The following RYR3 variants were observed in gnomAD, a reference collection of about 807,000 sequenced individuals.
RYR3 encodes brain ryanodine receptor-calcium release channel.
In RYR3, 207 loss-of-function variants were observed where a neutral mutation model predicts 584.3. That is an observed-to-expected ratio of 0.35 (90% CI 0.32 to 0.40). RYR3 has a LOEUF of 0.40. Ranked by LOEUF, RYR3 falls within the 10% of genes least tolerant of loss-of-function variation. RYR3 has a pLI of 1.00. For missense variants in RYR3, 5,616 were observed against 6,089.2 expected (o/e 0.92, Z 2.59); for synonymous variants, 2,416 against 2,248.5 (o/e 1.07, Z -2.11).
chr15:33,658,835 C>T (rs2062974130), intron 32 of RYR3, among the ~76,000 whole-genome samples: 1 of 152,202 alleles, frequency 6.6e-6, no homozygotes, highest in South Asian at 2.1e-4. Context: ...AGCTGCAGCA[C>T]AATCAGTAAA....
chr15:33,417,867 T>G (rs1391011696), intron 1 of RYR3, among the ~76,000 whole-genome samples: 1 of 152,178 alleles, frequency 6.6e-6, no homozygotes, highest in African/African-American at 2.4e-5. Flanking sequence ...CTTTGATGCC[T>G]AGTTTGTTGA....
At chr15:33,380,676 C>T (rs2041119495) in intron 1 of RYR3, among the ~76,000 whole-genome samples, 1 of 152,226 alleles carries the variant, frequency 6.6e-6, no homozygotes, top group Admixed American at 6.5e-5. Flanking sequence ...GGCGCTAAGC[C>T]ATGCCCTGGG....
At chr15:33,544,096 T>G (rs1215085633) in intron 8 of RYR3, among the ~76,000 whole-genome samples, 1 of 152,190 alleles carries the variant, frequency 6.6e-6, no homozygotes, top group Non-Finnish European at 1.5e-5. Flanking sequence ...GAAACTGATG[T>G]CCAGCTGGAG....
chr15:33,452,787 G>C (rs2047236360), intron 1 of RYR3, among the ~76,000 whole-genome samples: 1 of 152,108 alleles, frequency 6.6e-6, no homozygotes, highest in African/African-American at 2.4e-5. Flanking sequence ...TCAGAACCTG[G>C]TAGTTTTCCC....
chr15:33,843,671 T>C (rs2078526334), intron 92 of RYR3, 97 bp downstream of exon 92: 1 of 871,672 alleles, frequency 1.1e-6, no homozygotes, highest in Non-Finnish European at 1.8e-6. Context: ...CTCTTAATTG[T>C]AGCAAACATT....
chr15:33,365,469 G>A (rs1482696976), intron 1 of RYR3, among the ~76,000 whole-genome samples: 1 of 152,072 alleles, frequency 6.6e-6, no homozygotes, highest in African/African-American at 2.4e-5. Context: ...AAGACTCCAG[G>A]GTAGTGAGTT....
In RYR3 at chr15:33,728,934, C is replaced by T. The variant is rs779706127; in HGVS notation, c.7111C>T (p.Arg2371Cys). The T allele has an allele frequency of 2.5e-6, 4 of 1,613,758 alleles. No individual in the cohort carries two copies. Among genetic ancestry groups the T allele is most frequent in the South Asian group, 2.2e-5 (2 of 90,998 alleles). Reference sequence around the variant, plus strand: ...GGCACCTATGGTGCTGTTCTTGGACCGCGTTTATGGCATTAAGGATCAAAC... The same window carrying T: ...GGCACCTATGGTGCTGTTCTTGGACTGCGTTTATGGCATTAAGGATCAAAC... ...HKAPMVLFLD[R>C]VYGIKDQTFL... is the part of the protein sequence containing the mutation. The change falls in exon 47 of 104, where the codon CGC becomes TGC. Residue 2371 changes from arginine (R) to cysteine (C), a missense_variant. Around this residue, in one of 9 missense-constraint regions of RYR3, gnomAD observed 1,280 missense variants for 1,426.2 expected, o/e 0.90. Transcript: ENST00000634891.
At chr15:33,815,924 C>G in intron 74 of RYR3, 1 of 398,536 alleles carries the variant, frequency 2.5e-6, no homozygotes, top group East Asian at 3.6e-5. Context: ...GGCTTATACC[C>G]ATTTTAATGG....
chr15:33,864,521 A>G (rs1889760806), intron 103 of RYR3, among the ~76,000 whole-genome samples: 1 of 152,228 alleles, frequency 6.6e-6, no homozygotes, highest in Admixed American at 6.5e-5. Flanking sequence ...AAATCAGAGT[A>G]CAACGGAGTG....
chr15:33,827,414 A>G, intron 85 of RYR3, 127 bp downstream of exon 85: 1 of 769,922 alleles, frequency 1.3e-6, no homozygotes, highest in Admixed American at 2.4e-5. Flanking sequence ...TGTAACGTGT[A>G]TCCACAGATG....
chr15:33,857,802 T>A lies in RYR3; in HGVS notation c.14030T>A (p.Leu4677Gln). 1 of 1,614,116 alleles carries A rather than the reference T, an allele frequency of 6.2e-7. No homozygotes were observed. Among genetic ancestry groups the A allele is most frequent in the Non-Finnish European group, 8.5e-7 (1 of 1,179,962 alleles). Residue 4677 changes from leucine to glutamine, a missense_variant, in exon 99 of 104, where the codon CTG becomes CAG. Coordinates refer to ENST00000634891, the MANE Select transcript of RYR3 (RefSeq NM_001036.6). ...CAGTTGGTTCTGACTGTCGGTCTCCTGGCCGTGGTGGTTTATCTCTATACT... is the reference window on the plus strand; with the variant it reads ...CAGTTGGTTCTGACTGTCGGTCTCCAGGCCGTGGTGGTTTATCTCTATACT... ...GKQLVLTVGL[L>Q]AVVVYLYTVV...
intron 2 of RYR3, among the ~76,000 whole-genome samples, chr15:33,487,106 G>A (rs11856500): frequency 0.17 from 25,299 of 151,974 alleles, 4,373 homozygotes; most frequent in African/African-American, 0.44. Context: ...GCCAAGGCAT[G>A]AGAATGGCTT....
intron 19 of RYR3, among the ~76,000 whole-genome samples, chr15:33,617,673 G>A (rs2060521356): frequency 6.6e-6 from 1 of 152,038 alleles, no homozygotes; most frequent in African/African-American, 2.4e-5. Context: ...TCTTTACTGA[G>A]ATCCTTGTCT....
At position 33,566,696 on chromosome 15, in the gene RYR3, G is replaced by A; in HGVS notation, c.1165G>A (p.Gly389Ser). The change falls in exon 12 of 104, where the codon GGC (glycine) becomes AGC (serine). Residue 389 changes from glycine (G) to serine (S), a missense_variant. Gly to Ser is a moderately conservative substitution (Grantham distance 56). Coordinates refer to ENST00000634891, the MANE Select transcript of RYR3 (RefSeq NM_001036.6). ...LKRKVILHQE[G>S]HMDDGLTLQR... Reference sequence around the variant, plus strand: ...TGGGTAGGTCATACTCCATCAGGAAGGCCACATGGATGATGGATTAACACT... The same window carrying A: ...TGGGTAGGTCATACTCCATCAGGAAAGCCACATGGATGATGGATTAACACT... The A allele has an allele frequency of 4.3e-6, 7 of 1,613,664 alleles. No individual in the cohort carries two copies. Among genetic ancestry groups the A allele is most frequent in the Non-Finnish European group, 5.9e-6 (7 of 1,179,604 alleles).
At chr15:33,418,351 G>C (rs2043980332) in intron 1 of RYR3, among the ~76,000 whole-genome samples, 1 of 150,366 alleles carries the variant, frequency 6.7e-6, no homozygotes, top group Non-Finnish European at 1.5e-5. Flanking sequence ...TATTATTATT[G>C]ATTCGTCTTT....
rs531382545 is a variant in RYR3 at position 33,311,647 on chromosome 15, A to G, written c.51+551A>G. Reference sequence around the variant, plus strand: ...CCTGGGATCGCTCGGAGGGGAATTCACCCAGCGCTGCCCCTCTCGTGTTAA... The same window carrying G: ...CCTGGGATCGCTCGGAGGGGAATTCGCCCAGCGCTGCCCCTCTCGTGTTAA... On this transcript the variant is annotated intron_variant, in intron 1 of 103. Coordinates refer to ENST00000634891, the MANE Select transcript of RYR3 (RefSeq NM_001036.6). This position sits in a 1 kb window ranked among gnomAD's most constrained non-coding sequence, Gnocchi z 4.4. Among the ~76,000 whole-genome samples the G allele has an allele frequency of 6.6e-6, 1 of 152,196 alleles. No homozygotes were observed. Among genetic ancestry groups the G allele is most frequent in the East Asian group, 1.9e-4 (1 of 5,142 alleles).
chr15:33,548,599 G>A (rs1235164942), intron 9 of RYR3, among the ~76,000 whole-genome samples: 2 of 152,220 alleles, frequency 1.3e-5, no homozygotes, highest in African/African-American at 4.8e-5. Context: ...ACACAGACAG[G>A]TGGTCGCGAT....
chr15:33,822,735 A>G (rs2077175294), intron 80 of RYR3, among the ~76,000 whole-genome samples: 1 of 152,242 alleles, frequency 6.6e-6, no homozygotes, highest in African/African-American at 2.4e-5. Context: ...CAGCTTCGTG[A>G]TACATTACTA....
At chr15:33,800,112 C>T (rs1008937391) in intron 67 of RYR3, among the ~76,000 whole-genome samples, 4 of 152,144 alleles carry the variant, frequency 2.6e-5, no homozygotes, top group Non-Finnish European at 5.9e-5. Context: ...AATTTCTTAA[C>T]CAGTCTATTT....
Sources: gnomAD v4.1 joint callset for allele counts (sites outside exome capture counted in the v4.1 genomes callset) on GRCh38, gnomAD v4.1.1 for gene constraint, gnomAD v4.1.1 regional missense constraint, Gnocchi (gnomAD v3.1) non-coding constraint, MANE v1.5 for transcripts, NCBI Gene and HGNC (gene_info 2026-07-23, HGNC 2026-07-21) for gene names.